ITIH5: variants seen among roughly 807,000 people sequenced by gnomAD.
ITIH5 encodes the protein inter-alpha-trypsin inhibitor heavy chain 5.
In ITIH5, 65 loss-of-function variants were observed where a neutral mutation model predicts 77.5. The ratio of observed to expected loss-of-function variants is 0.84; its 90% CI spans 0.69 to 1.03. The LOEUF (loss-of-function observed/expected upper bound fraction) is 1.03, where lower values mean the gene tolerates loss of function less well. ITIH5 is among the 50% of genes least tolerant of loss of function. The pLI, the probability that ITIH5 is intolerant of heterozygous loss-of-function variation, is 0.00. For synonymous variants in ITIH5, 525 were observed against 494.3 expected, an observed-to-expected ratio of 1.06 and a Z score of -0.82; for missense variants, 1,208 against 1,213.1, an observed-to-expected ratio of 1.00 and a Z score of 0.06.
At chr10:7,564,024 C>T (rs1027641994) in intron 13 of ITIH5, among the ~76,000 whole-genome samples, 5 of 152,254 alleles carry the variant, frequency 3.3e-5, no homozygotes, top group Admixed American at 2.0e-4. Context: ...TGAAATTACA[C>T]GTTGAAGAAA....
chr10:7,564,877 T>C (rs1301646280), intron 13 of ITIH5, among the ~76,000 whole-genome samples: 1 of 144,854 alleles, frequency 6.9e-6, no homozygotes, highest in Non-Finnish European at 1.5e-5. Context: ...ACTGTATATG[T>C]ATACACACAC....
intron 7 of ITIH5, among the ~76,000 whole-genome samples, chr10:7,602,958 TTCC>T (rs1157943649): frequency 2.2e-4 from 33 of 152,184 alleles, no homozygotes; most frequent in Non-Finnish European, 1.5e-4. Context: ...GTCTCATAGC[TTCC>T]GTGTCCTATT....
chr10:7,581,950 A>T (rs1440858910), intron 8 of ITIH5, among the ~76,000 whole-genome samples: 1 of 141,758 alleles, frequency 7.1e-6, no homozygotes, highest in Non-Finnish European at 1.5e-5. Flanking sequence ...ATCTTGGCTC[A>T]CTGCAACCTC....
intron 2 of ITIH5, among the ~76,000 whole-genome samples, chr10:7,648,227 G>A (rs1157315029): frequency 6.9e-6 from 1 of 145,148 alleles, no homozygotes; most frequent in African/African-American, 2.6e-5. Flanking sequence ...CTGGGCGACT[G>A]AGCGAGACTC....
At chr10:7,589,574 G>C (rs1321156369) in intron 7 of ITIH5, among the ~76,000 whole-genome samples, 4 of 152,032 alleles carry the variant, frequency 2.6e-5, no homozygotes, top group Non-Finnish European at 1.5e-5. Flanking sequence ...GTTCTTCGGG[G>C]AGAAAAGAAC....
At chr10:7,581,315 C>T (rs866235698) in intron 8 of ITIH5, among the ~76,000 whole-genome samples, 5 of 151,440 alleles carry the variant, frequency 3.3e-5, no homozygotes, top group Middle Eastern at 3.4e-3. Context: ...AAGTTGGGGG[C>T]GAAAGGGAAG....
intron 7 of ITIH5, among the ~76,000 whole-genome samples, chr10:7,614,207 A>G (rs2131031589): frequency 6.6e-6 from 1 of 152,340 alleles, no homozygotes; most frequent in Middle Eastern, 3.4e-3. Flanking sequence ...ACCCAGATGG[A>G]AAGTCAAGAA....
At chr10:7,620,191 CA>C (rs201289245) in intron 5 of ITIH5, 20 of 142,044 alleles carry the variant, frequency 1.4e-4, no homozygotes, top group East Asian at 4.0e-4. Context: ...CCTACCCCCG[CA>C]AAAAAAAAAA....
In ITIH5 at chr10:7,566,415, G is replaced by A. The variant is rs372404444; in HGVS notation, c.2150-8C>T. 6.9e-6 allele frequency: 11 copies of A among 1,584,946 alleles called. No homozygotes were observed. In the South Asian group the frequency reaches 1.1e-4, roughly 16 times the overall value. ...CTCCGTTCACTGTGACACCTCAAAG[G>A]CCAAGGGGAAAAGAAGAAGGTTAGA... On this transcript the variant is annotated splice_polypyrimidine_tract_variant and splice_region_variant and intron_variant, in intron 12 of 13. Coordinates refer to ENST00000397146, the MANE Select transcript of ITIH5 (RefSeq NM_030569.7).
chr10:7,665,926 T>G (rs1196025382), intron 1 of ITIH5, among the ~76,000 whole-genome samples: 2 of 152,244 alleles, frequency 1.3e-5, no homozygotes, highest in Non-Finnish European at 2.9e-5. Context: ...GTCTTCATAT[T>G]TAGGCAGTTG....
chr10:7,657,501 T>C (rs1834208306), intron 1 of ITIH5, among the ~76,000 whole-genome samples: 1 of 151,930 alleles, frequency 6.6e-6, no homozygotes, highest in Non-Finnish European at 1.5e-5. Flanking sequence ...AAAAGAAAAT[T>C]CTTGGAAACT....
chr10:7,636,605 C>A (rs1833801333), intron 5 of ITIH5, among the ~76,000 whole-genome samples: 1 of 152,154 alleles, frequency 6.6e-6, no homozygotes. Flanking sequence ...AATGTCTTTG[C>A]TACCACAAAT....
chr10:7,613,147 G>A (rs1413946015), intron 7 of ITIH5, among the ~76,000 whole-genome samples: 1 of 151,872 alleles, frequency 6.6e-6, no homozygotes, highest in Admixed American at 6.6e-5. Context: ...TGGGGGAACT[G>A]AGGCAGGAGA....
chr10:7,588,851 A>C (rs1832735434), intron 7 of ITIH5, among the ~76,000 whole-genome samples: 1 of 152,258 alleles, frequency 6.6e-6, no homozygotes, highest in Non-Finnish European at 1.5e-5. Context: ...AGGGAAAGTA[A>C]CTATTAGTAT....
At chr10:7,629,175 A>G (rs1833657414) in intron 5 of ITIH5, among the ~76,000 whole-genome samples, 3 of 114,814 alleles carry the variant, frequency 2.6e-5, no homozygotes, top group African/African-American at 6.0e-5. Flanking sequence ...TATCATATGT[A>G]TCTGTGTTTT....
At chr10:7,567,919 T>C (rs554958262) in intron 12 of ITIH5, among the ~76,000 whole-genome samples, 26 of 152,308 alleles carry the variant, frequency 1.7e-4, no homozygotes, top group African/African-American at 6.0e-4. Flanking sequence ...GTAAAATGGA[T>C]GGACAGATGG....
chr10:7,559,674 A>G lies in ITIH5; in HGVS notation c.*3409T>C, dbSNP rs1832003385. 2.8e-6 allele frequency: 1 copy of G among 358,728 alleles called. No homozygotes were observed. The highest frequency in any genetic ancestry group is 2.2e-5 in the African/African-American group (1 of 45,998). The allele number at this position is 358,728 out of a possible 1,614,324, so 22.2% of individuals were successfully genotyped here. A position where few individuals can be genotyped will look rare whatever the true frequency, so the allele number is the denominator to read the frequency against. On this transcript the variant is annotated 3_prime_UTR_variant, in exon 14 of 14. Coordinates refer to ENST00000397146, the MANE Select transcript of ITIH5 (RefSeq NM_030569.7). ...TAACAAGAATACCACAGACTTGAGT[A>G]GCTTAAACAAAACACATTTATTTCT...
Position 7,576,966 on chromosome 10 carries a change from C to A in ITIH5, c.1465G>T (p.Asp489Tyr), listed in dbSNP as rs887329530. The A allele has an allele frequency of 2.5e-6, 4 of 1,613,880 alleles. No homozygotes were observed. The change falls in exon 10 of 14, where the codon GAT (aspartate) becomes TAT (tyrosine). Residue 489 changes from aspartate (D) to tyrosine (Y), a missense_variant. Coordinates refer to ENST00000397146, the MANE Select transcript of ITIH5 (RefSeq NM_030569.7). ...TGCACCACTGAGCTGGGGGGATAATCGATGCGGATGTCAGAGAGGAGCGGG... is the reference window on the plus strand; with the variant it reads ...TGCACCACTGAGCTGGGGGGATAATAGATGCGGATGTCAGAGAGGAGCGGG... ...RTPLLSDIRI[D>Y]YPPSSVVQAT...
rs1327876764 is a variant in ITIH5 at position 7,628,720 on chromosome 10, CGT to C, written c.652+8506_652+8507del. Among the ~76,000 whole-genome samples the C allele has an allele frequency of 2.8e-5, 3 of 107,056 alleles. No individual in the cohort carries two copies. In the Admixed American group the frequency reaches 3.1e-4, roughly 11 times the overall value. The allele number at this position is 107,056 out of a possible 152,430, so 70.2% of individuals were successfully genotyped here. A position where few individuals can be genotyped will look rare whatever the true frequency, so the allele number is the denominator to read the frequency against. On this transcript the variant is annotated intron_variant, in intron 5 of 13. Transcript: ENST00000397146. ...GTTGCAGCGTGTGTCCATGTTGTAG[CGT>C]GTGTCCATGTTGCAGCGTGTGTCCA...
Sources: gnomAD v4.1 joint callset for allele counts (sites outside exome capture counted in the v4.1 genomes callset) on GRCh38, gnomAD v4.1.1 for gene constraint, MANE v1.5 for transcripts, NCBI Gene and HGNC (gene_info 2026-07-23, HGNC 2026-07-21) for gene names.